ARB2A: variants seen among roughly 807,000 people sequenced by gnomAD.
The protein encoded by ARB2A is ARB2 cotranscriptional regulator A, also known as cotranscriptional regulator ARB2A.
At chr5:93,916,250 C>A in the ARB2A span, among the ~76,000 whole-genome samples, 1 of 152,054 alleles carries the variant, frequency 6.6e-6, no homozygotes, top group African/African-American at 2.4e-5. Flanking sequence ...CAGAAGCAAA[C>A]TGTCAACCCG....
At chr5:93,721,230 C>T in the ARB2A span, among the ~76,000 whole-genome samples, 28 of 152,000 alleles carry the variant, frequency 1.8e-4, no homozygotes, top group Non-Finnish European at 3.2e-4. Flanking sequence ...CAGGGTGAAG[C>T]GGCTGGTTAC....
the ARB2A span, among the ~76,000 whole-genome samples, chr5:93,889,623 A>C: frequency 6.6e-6 from 1 of 151,896 alleles, no homozygotes; most frequent in African/African-American, 2.4e-5. Context: ...AATATTAATA[A>C]TTTATATTGC....
chr5:93,946,870 T>C, the ARB2A span, among the ~76,000 whole-genome samples: 1 of 152,212 alleles, frequency 6.6e-6, no homozygotes, highest in Non-Finnish European at 1.5e-5. Context: ...ACATGATTTA[T>C]GCTTTTACTC....
the ARB2A span, among the ~76,000 whole-genome samples, chr5:93,905,746 C>T: frequency 1.3e-5 from 2 of 151,410 alleles, no homozygotes; most frequent in African/African-American, 4.8e-5. Context: ...AAAATCCATA[C>T]CATTACTTCT....
chr5:93,857,982 C>A, the ARB2A span, among the ~76,000 whole-genome samples: 49 of 152,310 alleles, frequency 3.2e-4, 1 homozygote, highest in African/African-American at 1.2e-3. Flanking sequence ...TCACATACCT[C>A]ACTTCTTATT....
At chr5:93,695,581 TTGG>T in the ARB2A span, among the ~76,000 whole-genome samples, 1 of 152,150 alleles carries the variant, frequency 6.6e-6, no homozygotes, top group Non-Finnish European at 1.5e-5. Flanking sequence ...TTTTACACTG[TTGG>T]TGGGAGTGTA....
At chr5:93,639,141 T>A in the ARB2A span, among the ~76,000 whole-genome samples, 1 of 152,174 alleles carries the variant, frequency 6.6e-6, no homozygotes, top group Non-Finnish European at 1.5e-5. Context: ...GGTACTATAT[T>A]TTCTTTTTTG....
the ARB2A span, among the ~76,000 whole-genome samples, chr5:93,712,689 G>A: frequency 6.6e-6 from 1 of 151,958 alleles, no homozygotes; most frequent in South Asian, 2.1e-4. Context: ...TTCCACTCAA[G>A]AAATAGAGGA....
chr5:94,109,800 G>A, the ARB2A span, among the ~76,000 whole-genome samples: 7 of 151,732 alleles, frequency 4.6e-5, no homozygotes, highest in Non-Finnish European at 7.4e-5. Context: ...CCTTATCAGA[G>A]AGGGTGAGCT....
chr5:94,015,016 A>T, the ARB2A span, among the ~76,000 whole-genome samples: 2 of 151,982 alleles, frequency 1.3e-5, no homozygotes, highest in Non-Finnish European at 2.9e-5. Context: ...AAAACATGAG[A>T]AAGACATAAA....
chr5:93,883,003 C>T, the ARB2A span, among the ~76,000 whole-genome samples: 4 of 151,406 alleles, frequency 2.6e-5, no homozygotes, highest in African/African-American at 9.7e-5. Context: ...TAATAGTAAA[C>T]CAGTAATAGC....
chr5:93,904,463 T>G, the ARB2A span, among the ~76,000 whole-genome samples: 1 of 151,878 alleles, frequency 6.6e-6, no homozygotes, highest in Non-Finnish European at 1.5e-5. Context: ...AAAACATAGC[T>G]AGAGTTAAGA....
At chr5:93,910,147 AAAAC>A in the ARB2A span, among the ~76,000 whole-genome samples, 1 of 151,088 alleles carries the variant, frequency 6.6e-6, no homozygotes, top group Non-Finnish European at 1.5e-5. Context: ...ATTAAATGAC[AAAAC>A]AAAATACAAC....
chr5:93,760,837 C>A, the ARB2A span, among the ~76,000 whole-genome samples: 1 of 152,148 alleles, frequency 6.6e-6, no homozygotes, highest in Non-Finnish European at 1.5e-5. Context: ...TAGACACTGA[C>A]TTAGACAAGG....
At chr5:93,754,242 A>T in the ARB2A span, among the ~76,000 whole-genome samples, 17 of 152,306 alleles carry the variant, frequency 1.1e-4, no homozygotes, top group East Asian at 3.3e-3. Context: ...CTCACATTCT[A>T]GTAGGAGAGA....
the ARB2A span, among the ~76,000 whole-genome samples, chr5:93,803,425 C>T: frequency 8.6e-5 from 13 of 151,826 alleles, no homozygotes; most frequent in African/African-American, 3.1e-4. Flanking sequence ...CTAGAACTCT[C>T]CTACTTCAAT....
At chr5:93,917,771 G>C in the ARB2A span, among the ~76,000 whole-genome samples, 1 of 152,080 alleles carries the variant, frequency 6.6e-6, no homozygotes, top group African/African-American at 2.4e-5. Context: ...CCCAGCTACT[G>C]GGGGAATGGG....
the ARB2A span, among the ~76,000 whole-genome samples, chr5:93,958,127 G>A: frequency 6.6e-6 from 1 of 151,894 alleles, no homozygotes; most frequent in Non-Finnish European, 1.5e-5. Flanking sequence ...TGCAAGAAAA[G>A]AAACCTTGAA....
the ARB2A span, among the ~76,000 whole-genome samples, chr5:93,701,838 A>G: frequency 2.0e-5 from 3 of 152,166 alleles, no homozygotes; most frequent in Non-Finnish European, 4.4e-5. Context: ...AGCATATCAC[A>G]TGGCTTACTT....
Sources: allele counts gnomAD v4.1 joint callset (sites outside exome capture counted in the v4.1 genomes callset), GRCh38; gene constraint gnomAD v4.1.1; transcripts MANE v1.5; gene names NCBI Gene and HGNC (gene_info 2026-07-23, HGNC 2026-07-21).